The following DISC1 variants were observed in gnomAD, a reference collection of about 807,000 sequenced individuals.
DISC1 encodes the protein disrupted in schizophrenia 1 protein.
DISC1 carries 57 observed loss-of-function variants against 84.5 expected under a neutral mutation model. The observed-to-expected ratio is 0.67, with a 90% confidence interval of 0.55 to 0.84. The LOEUF (loss-of-function observed/expected upper bound fraction) is 0.84, where lower values mean the gene tolerates loss of function less well. DISC1 is among the 40% of genes least tolerant of loss of function. DISC1 has a pLI of 0.00. For missense variants in DISC1, 1,000 were observed against 1,057.8 expected (o/e 0.95, Z 0.76); for synonymous variants, 411 against 415.2 (o/e 0.99, Z 0.12).
intron 9 of DISC1, among the ~76,000 whole-genome samples, chr1:231,903,554 A>G (rs937973322): frequency 4.6e-5 from 7 of 152,230 alleles, no homozygotes; most frequent in Middle Eastern, 3.2e-3. Context: ...GGGAGGCTCT[A>G]TTCTAGGCTG....
chr1:231,818,587 T>C, intron 9 of DISC1, 70 bp downstream of exon 9: 6 of 1,599,588 alleles, frequency 3.8e-6, no homozygotes, highest in Admixed American at 1.7e-5. Flanking sequence ...CCAGGCAGAA[T>C]GTTCTGTGCC....
chr1:231,831,553 AC>A (rs753838761), intron 9 of DISC1, among the ~76,000 whole-genome samples: 138 of 151,388 alleles, frequency 9.1e-4, no homozygotes, highest in Non-Finnish European at 1.2e-3. Context: ...TTGTCTAGCC[AC>A]CTTATCAGCA....
At chr1:231,817,691 T>C (rs1200634324) in intron 8 of DISC1, among the ~76,000 whole-genome samples, 1 of 152,228 alleles carries the variant, frequency 6.6e-6, no homozygotes, top group African/African-American at 2.4e-5. Context: ...TAGTTTTTTG[T>C]TATTTAGACA....
chr1:231,692,962 T>A (rs2065225995), intron 1 of DISC1, among the ~76,000 whole-genome samples: 1 of 152,216 alleles, frequency 6.6e-6, no homozygotes. Flanking sequence ...TAATCACTCT[T>A]ATCATCATAT....
chr1:231,891,237 A>G (rs529116350), intron 9 of DISC1, among the ~76,000 whole-genome samples: 16 of 152,296 alleles, frequency 1.1e-4, no homozygotes, highest in Middle Eastern at 3.4e-3. Flanking sequence ...CAAAAAAAAA[A>G]TCTCATAATA....
rs778417499 is a variant in DISC1 at position 231,722,573 on chromosome 1, C to T, written c.1117+20549C>T. On this transcript the variant is annotated intron_variant, in intron 3 of 12. Transcript: ENST00000439617. ...ATTGCTTTGGATCCACCATGGAAGC[C>T]TCGACATCCTGAACCAAACTCCTAT... is the stretch of plus-strand genomic sequence containing the variant. 4 of 1,614,186 alleles carry T rather than the reference C, an allele frequency of 2.5e-6. No homozygotes were observed. The South Asian group carries it at 3.3e-5, about 13-fold the overall frequency.
chr1:231,706,439 C>A (rs1008829284), intron 3 of DISC1, among the ~76,000 whole-genome samples: 4 of 152,168 alleles, frequency 2.6e-5, no homozygotes, highest in African/African-American at 7.2e-5. Flanking sequence ...GTTTGTGCTC[C>A]ATAATATCCC....
chr1:231,773,176 A>C (rs1403816615), intron 6 of DISC1, among the ~76,000 whole-genome samples: 2 of 152,284 alleles, frequency 1.3e-5, no homozygotes, highest in Admixed American at 1.3e-4. Flanking sequence ...AGAGCCAAGG[A>C]AGCTATTTCT....
At chr1:231,928,523 T>G (rs1285755216) in intron 9 of DISC1, among the ~76,000 whole-genome samples, 2 of 152,214 alleles carry the variant, frequency 1.3e-5, no homozygotes, top group African/African-American at 4.8e-5. Flanking sequence ...ACTCATTGAT[T>G]TTTTTGAAGG....
At chr1:231,634,786 C>T (rs1414073397) in intron 1 of DISC1, among the ~76,000 whole-genome samples, 1 of 152,058 alleles carries the variant, frequency 6.6e-6, no homozygotes, top group African/African-American at 2.4e-5. Flanking sequence ...TGGTGCATGC[C>T]TATAGTCCCA....
intron 2 of DISC1, among the ~76,000 whole-genome samples, chr1:231,701,489 G>C (rs1241325538): frequency 6.6e-6 from 1 of 152,214 alleles, no homozygotes; most frequent in Admixed American, 6.5e-5. Flanking sequence ...GAAGGGTTTT[G>C]TGAGAGCTTT....
intron 3 of DISC1, among the ~76,000 whole-genome samples, chr1:231,715,219 A>C (rs188258658): frequency 1.3e-5 from 2 of 152,274 alleles, no homozygotes; most frequent in Admixed American, 1.3e-4. Context: ...AAGATGGGGG[A>C]ACTGGTGCAG....
At chr1:231,881,657 T>G (rs2086298246) in intron 9 of DISC1, among the ~76,000 whole-genome samples, 1 of 152,098 alleles carries the variant, frequency 6.6e-6, no homozygotes, top group Non-Finnish European at 1.5e-5. Flanking sequence ...GGGTCCCGCT[T>G]CAAGACGAGC....
At chr1:231,723,405 A>T (rs1185678873) in intron 3 of DISC1, 4 of 985,602 alleles carry the variant, frequency 4.1e-6, no homozygotes, top group Non-Finnish European at 4.8e-6. Context: ...CCTTGCTTCC[A>T]GAATTATTGC....
chr1:231,796,705 A>C (rs1014683990), intron 7 of DISC1, among the ~76,000 whole-genome samples: 1 of 152,124 alleles, frequency 6.6e-6, no homozygotes, highest in Non-Finnish European at 1.5e-5. Flanking sequence ...CATCGGAGCC[A>C]GGGACCCAGA....
chr1:231,750,659 C>G, intron 4 of DISC1: 1 of 922,386 alleles, frequency 1.1e-6, no homozygotes, highest in Non-Finnish European at 1.3e-6. Flanking sequence ...CCTCCCCAGG[C>G]AAGCTAAGTC....
At chr1:231,931,150 G>C (rs2090632085) in intron 9 of DISC1, among the ~76,000 whole-genome samples, 1 of 152,172 alleles carries the variant, frequency 6.6e-6, no homozygotes, top group South Asian at 2.1e-4. Flanking sequence ...GATGGAGGTA[G>C]TTCTTAGTTG....
chr1:232,031,045 C>T lies in DISC1; in HGVS notation c.2425+4493C>T, dbSNP rs868088511. ...TTGCTTGAACCCAGGAGGTGGAGGT[C>T]GCAGTGAGCTGAGACTGCACACTAC... On this transcript the variant is annotated intron_variant, in intron 12 of 12. Coordinates refer to ENST00000439617, the MANE Select transcript of DISC1 (RefSeq NM_018662.3). The surrounding 1 kb of genome is among the most constrained non-coding windows in gnomAD (Gnocchi z 4.6). 5.2e-4 allele frequency among the ~76,000 whole-genome samples: 79 copies of T among 151,670 alleles called. No individual in the cohort carries two copies. The highest frequency in any genetic ancestry group is 1.9e-3 in the African/African-American group (77 of 41,318).
chr1:232,000,254 A>T (rs895139907), intron 10 of DISC1, among the ~76,000 whole-genome samples: 1 of 152,190 alleles, frequency 6.6e-6, no homozygotes, highest in Non-Finnish European at 1.5e-5. Flanking sequence ...AGATATAGAA[A>T]TTTTTTTAAA....
Sources: allele counts gnomAD v4.1 joint callset (sites outside exome capture counted in the v4.1 genomes callset), GRCh38; gene constraint gnomAD v4.1.1; non-coding constraint Gnocchi (gnomAD v3.1); transcripts MANE v1.5; gene names NCBI Gene and HGNC (gene_info 2026-07-23, HGNC 2026-07-21).